The following UST variants were observed in gnomAD, a reference collection of about 807,000 sequenced individuals.
The protein encoded by UST is uronyl 2-sulfotransferase.
UST carries 21 observed loss-of-function variants against 45.6 expected under a neutral mutation model. The ratio of observed to expected loss-of-function variants is 0.46; its 90% CI spans 0.33 to 0.66. The LOEUF is 0.66. UST is among the 30% of genes least tolerant of loss of function. The pLI is 0.02. For synonymous variants in UST, 215 were observed against 200.6 expected, an observed-to-expected ratio of 1.07 and a Z score of -0.61; for missense variants, 463 against 512.4, an observed-to-expected ratio of 0.90 and a Z score of 0.93.
At chr6:148,983,060 T>C (rs1781168858) in intron 5 of UST, among the ~76,000 whole-genome samples, 1 of 152,240 alleles carries the variant, frequency 6.6e-6, no homozygotes, top group Non-Finnish European at 1.5e-5. Flanking sequence ...TATTGAGCAC[T>C]GAGAATTTTA....
At chr6:148,805,038 C>T (rs1282013406) in intron 1 of UST, among the ~76,000 whole-genome samples, 1 of 151,716 alleles carries the variant, frequency 6.6e-6, no homozygotes, top group East Asian at 1.9e-4. Flanking sequence ...GTGTGCTGTC[C>T]CTCTATGTTT....
intron 1 of UST, among the ~76,000 whole-genome samples, chr6:148,880,067 A>C (rs1778796354): frequency 6.8e-6 from 1 of 146,314 alleles, no homozygotes; most frequent in African/African-American, 2.5e-5. Context: ...TAATTCTCCC[A>C]CCTCAGCTGC....
intron 1 of UST, among the ~76,000 whole-genome samples, chr6:148,852,954 C>T (rs573551940): frequency 2.0e-4 from 31 of 152,244 alleles, no homozygotes; most frequent in Non-Finnish European, 4.1e-4. Context: ...GGACACTTGT[C>T]TTCTTTTCTT....
rs567821315 is a variant in UST, at chr6:148,790,434, A to G, written c.247+42757A>G. On this transcript the variant is annotated intron_variant, in intron 1 of 7. Coordinates refer to ENST00000367463, the MANE Select transcript of UST (RefSeq NM_005715.3). This position sits in a 1 kb window ranked among gnomAD's most constrained non-coding sequence, Gnocchi z 4.2. ...GAGGCCACTGGTTCAGATGAGGGCAAGGCAGTTGCCCAGGGGTAGATGGCA... is the reference window on the plus strand; with the variant it reads ...GAGGCCACTGGTTCAGATGAGGGCAGGGCAGTTGCCCAGGGGTAGATGGCA... 6.6e-6 allele frequency among the ~76,000 whole-genome samples: 1 copy of G among 152,342 alleles called. No individual in the cohort carries two copies. The highest frequency in any genetic ancestry group is 2.4e-5 in the African/African-American group (1 of 41,584).
chr6:148,955,058 GC>G (rs1185074513), intron 4 of UST, among the ~76,000 whole-genome samples: 1 of 152,244 alleles, frequency 6.6e-6, no homozygotes, highest in Non-Finnish European at 1.5e-5. Flanking sequence ...CTGGAGACCA[GC>G]CTGGGAACCT....
intron 5 of UST, among the ~76,000 whole-genome samples, chr6:149,011,434 TTTAA>T (rs1396933924): frequency 2.0e-5 from 3 of 152,208 alleles, no homozygotes; most frequent in Non-Finnish European, 2.9e-5. Context: ...TCAAAAATAA[TTTAA>T]TTGTCCATTT....
intron 5 of UST, among the ~76,000 whole-genome samples, chr6:148,977,492 C>T (rs1014367148): frequency 1.3e-5 from 2 of 151,956 alleles, no homozygotes; most frequent in African/African-American, 4.8e-5. Flanking sequence ...TGGCTCACGC[C>T]TGTAATCCCG....
chr6:148,849,051 T>G (rs1050071617), intron 1 of UST, among the ~76,000 whole-genome samples: 3 of 152,142 alleles, frequency 2.0e-5, no homozygotes, highest in Admixed American at 2.0e-4. Context: ...GCAAGAGAGA[T>G]AATTTGCCCT....
intron 3 of UST, among the ~76,000 whole-genome samples, chr6:148,952,709 C>T (rs1780390832): frequency 6.6e-6 from 1 of 152,212 alleles, no homozygotes; most frequent in South Asian, 2.1e-4. Context: ...CTGCGGTTCA[C>T]ATGTGAATGA....
At chr6:149,057,273 C>G (rs1020913353) in intron 7 of UST, among the ~76,000 whole-genome samples, 1 of 152,140 alleles carries the variant, frequency 6.6e-6, no homozygotes, top group Non-Finnish European at 1.5e-5. Context: ...GTTTTACGAG[C>G]AACCATACTC....
At chr6:148,897,475 C>T (rs1779157668) in intron 2 of UST, among the ~76,000 whole-genome samples, 1 of 134,966 alleles carries the variant, frequency 7.4e-6, no homozygotes, top group South Asian at 2.8e-4. Flanking sequence ...CCACCAGGCC[C>T]AGCCTTATCT....
intron 7 of UST, among the ~76,000 whole-genome samples, chr6:149,026,008 C>T (rs1278343330): frequency 6.6e-6 from 1 of 152,086 alleles, no homozygotes; most frequent in Admixed American, 6.5e-5. Context: ...ATCAACTGGG[C>T]ATGGTGGCAG....
At chr6:149,036,810 T>A (rs890154322) in intron 7 of UST, among the ~76,000 whole-genome samples, 2 of 152,234 alleles carry the variant, frequency 1.3e-5, no homozygotes, top group Non-Finnish European at 2.9e-5. Context: ...GGGTTTTTAC[T>A]GGATGACATT....
chr6:149,047,445 G>A (rs1235548719), intron 7 of UST, among the ~76,000 whole-genome samples: 3 of 152,202 alleles, frequency 2.0e-5, no homozygotes, highest in African/African-American at 7.2e-5. Flanking sequence ...AGGCTCATTA[G>A]TCAGAGTCAA....
chr6:148,779,404 T>A (rs1294223162), intron 1 of UST, among the ~76,000 whole-genome samples: 1 of 152,182 alleles, frequency 6.6e-6, no homozygotes, highest in East Asian at 1.9e-4. Flanking sequence ...CCTCACCAGA[T>A]AAAGGAAATC....
At chr6:148,812,722 A>G (rs1562265233) in intron 1 of UST, among the ~76,000 whole-genome samples, 2 of 152,344 alleles carry the variant, frequency 1.3e-5, no homozygotes, top group South Asian at 2.1e-4. Context: ...GAGAGCCCTC[A>G]AATGCAAGTC....
intron 2 of UST, among the ~76,000 whole-genome samples, chr6:148,932,210 T>C (rs1779934332): frequency 6.6e-6 from 1 of 152,138 alleles, no homozygotes; most frequent in African/African-American, 2.4e-5. Flanking sequence ...TGAAATCCTG[T>C]CTGTAATAAA....
At chr6:149,046,164 C>T (rs1776392503) in intron 7 of UST, among the ~76,000 whole-genome samples, 1 of 152,154 alleles carries the variant, frequency 6.6e-6, no homozygotes, top group Non-Finnish European at 1.5e-5. Context: ...GTTTATGGAG[C>T]CTAGAGTCTT....
At chr6:148,800,076 A>G (rs1777029092) in intron 1 of UST, among the ~76,000 whole-genome samples, 1 of 152,218 alleles carries the variant, frequency 6.6e-6, no homozygotes, top group South Asian at 2.1e-4. Flanking sequence ...TTACTTTCCT[A>G]GCTTCCATGA....
Sources: allele counts gnomAD v4.1 joint callset (sites outside exome capture counted in the v4.1 genomes callset), GRCh38; gene constraint gnomAD v4.1.1; non-coding constraint Gnocchi (gnomAD v3.1); transcripts MANE v1.5; gene names NCBI Gene and HGNC (gene_info 2026-07-23, HGNC 2026-07-21).